The following HAPLN1 variants were observed in gnomAD, a reference collection of about 807,000 sequenced individuals.
The protein encoded by HAPLN1 is Cartilage link protein.
A neutral mutation model predicts 36.5 loss-of-function variants in HAPLN1; 13 were observed. The ratio of observed to expected loss-of-function variants is 0.36; its 90% CI spans 0.23 to 0.57. HAPLN1 has a LOEUF of 0.57. Among genes scored for constraint, HAPLN1 ranks in the 20% least tolerant of loss-of-function variants. The pLI is 0.83. For missense variants in HAPLN1, 407 were observed against 439.7 expected, an observed-to-expected ratio of 0.93 and a Z score of 0.66; for synonymous variants, 202 against 169.8, an observed-to-expected ratio of 1.19 and a Z score of -1.48.
intron 1 of HAPLN1, chr5:83,682,627 A>G (rs112779152): frequency 3.3e-5 from 5 of 152,310 alleles, no homozygotes; most frequent in African/African-American, 1.2e-4. Flanking sequence ...ACGTCAAAAC[A>G]TGACCTCATC....
intron 1 of HAPLN1, among the ~76,000 whole-genome samples, chr5:83,692,059 G>T (rs548581418): frequency 2.0e-5 from 3 of 151,888 alleles, no homozygotes; most frequent in African/African-American, 7.2e-5. Context: ...TGAAGTTGAA[G>T]ATGTTGCAAT....
intron 1 of HAPLN1, among the ~76,000 whole-genome samples, chr5:83,716,963 T>A (rs1397652704): frequency 6.6e-6 from 1 of 151,112 alleles, no homozygotes; most frequent in Non-Finnish European, 1.5e-5. Context: ...ACCTGGGGAG[T>A]GGTGGTTGCA....
intron 2 of HAPLN1, among the ~76,000 whole-genome samples, chr5:83,654,065 C>T (rs1381693886): frequency 6.6e-6 from 1 of 152,156 alleles, no homozygotes; most frequent in Admixed American, 6.6e-5. Flanking sequence ...GGAAGAGTAG[C>T]CATGTTGAGA....
intron 1 of HAPLN1, among the ~76,000 whole-genome samples, chr5:83,681,895 C>A (rs962932847): frequency 9.9e-5 from 15 of 152,114 alleles, no homozygotes; most frequent in African/African-American, 3.6e-4. Flanking sequence ...AGTTTAGACT[C>A]TTGTGCTCAT....
At chr5:83,713,829 C>T (rs1190250011) in intron 1 of HAPLN1, among the ~76,000 whole-genome samples, 2 of 152,192 alleles carry the variant, frequency 1.3e-5, no homozygotes, top group East Asian at 1.9e-4. Flanking sequence ...GTCATGCCTA[C>T]GCTGTTTTGA....
chr5:83,682,481 A>G (rs1206644513), intron 1 of HAPLN1: 1 of 152,202 alleles, frequency 6.6e-6, no homozygotes, highest in Non-Finnish European at 1.5e-5. Flanking sequence ...TAAAAATAAT[A>G]TATTAATGGT....
At chr5:83,717,194 T>C (rs1307604570) in intron 1 of HAPLN1, among the ~76,000 whole-genome samples, 1 of 152,236 alleles carries the variant, frequency 6.6e-6, no homozygotes, top group Non-Finnish European at 1.5e-5. Flanking sequence ...ATGTGTTTTT[T>C]TCCTGGTAGA....
chr5:83,687,798 A>G (rs1414148181), intron 1 of HAPLN1, among the ~76,000 whole-genome samples: 1 of 152,204 alleles, frequency 6.6e-6, no homozygotes, highest in Non-Finnish European at 1.5e-5. Flanking sequence ...AGGATGGAAT[A>G]TCCCATTGTT....
At chr5:83,661,546 G>A (rs563465817) in intron 2 of HAPLN1, among the ~76,000 whole-genome samples, 25 of 138,468 alleles carry the variant, frequency 1.8e-4, no homozygotes, top group African/African-American at 5.6e-4. Flanking sequence ...CCGGGTTCAC[G>A]CCATTGTCCT....
chr5:83,669,131 CA>C (rs1459207857), intron 2 of HAPLN1, among the ~76,000 whole-genome samples: 1 of 152,150 alleles, frequency 6.6e-6, no homozygotes, highest in Non-Finnish European at 1.5e-5. Flanking sequence ...ATAGTAAATA[CA>C]TTAAGGGAAA....
intron 2 of HAPLN1, among the ~76,000 whole-genome samples, chr5:83,659,257 G>C (rs1224861138): frequency 6.7e-6 from 1 of 149,692 alleles, no homozygotes; most frequent in Admixed American, 6.7e-5. Context: ...CTGGGTGACA[G>C]AGCGAGACTT....
At chr5:83,651,028 C>T (rs1489996982) in intron 3 of HAPLN1, among the ~76,000 whole-genome samples, 2 of 151,868 alleles carry the variant, frequency 1.3e-5, no homozygotes, top group Admixed American at 6.6e-5. Flanking sequence ...TTATTATTTC[C>T]TTGTATTTCT....
chr5:83,700,547 T>A (rs546808244), intron 1 of HAPLN1, among the ~76,000 whole-genome samples: 1 of 151,918 alleles, frequency 6.6e-6, no homozygotes, highest in Non-Finnish European at 1.5e-5. Context: ...TTGCCAAGAA[T>A]ACATAGTAAT....
At chr5:83,656,492 C>T (rs1483327778) in intron 2 of HAPLN1, among the ~76,000 whole-genome samples, 1 of 151,198 alleles carries the variant, frequency 6.6e-6, no homozygotes. Flanking sequence ...ATACAAGTGT[C>T]CATTTCCCCT....
chr5:83,694,347 C>G (rs1751345138), intron 1 of HAPLN1, among the ~76,000 whole-genome samples: 2 of 151,838 alleles, frequency 1.3e-5, no homozygotes, highest in Non-Finnish European at 2.9e-5. Context: ...AGAAAAGTTT[C>G]AAATCAATGA....
intron 1 of HAPLN1, among the ~76,000 whole-genome samples, chr5:83,701,087 G>T (rs1487401052): frequency 6.6e-6 from 1 of 152,082 alleles, no homozygotes; most frequent in Non-Finnish European, 1.5e-5. Flanking sequence ...TAGTTCCAAG[G>T]CTCAAAGCCT....
chr5:83,641,807 G>A lies in HAPLN1; in HGVS notation c.776-22C>T, dbSNP rs375129205. The A allele has an allele frequency of 1.1e-5, 17 of 1,605,316 alleles. No individual in the cohort carries two copies. In the African/African-American group the frequency reaches 2.0e-4, roughly 19 times the overall value. ...CGGCCTGTAGAGAAAAGGAGACAGAGTCAATGGGCTGGTCTTCAATTGAGC... is the reference window on the plus strand; with the variant it reads ...CGGCCTGTAGAGAAAAGGAGACAGAATCAATGGGCTGGTCTTCAATTGAGC... On this transcript the variant is annotated intron_variant, in intron 4 of 4. Transcript: ENST00000274341.
chr5:83,662,198 C>T (rs1468783126), intron 2 of HAPLN1, among the ~76,000 whole-genome samples: 1 of 152,138 alleles, frequency 6.6e-6, no homozygotes. Context: ...CCACCATGCC[C>T]AGCTGGTTAA....
At chr5:83,676,008 A>C (rs1006884637) in intron 1 of HAPLN1, among the ~76,000 whole-genome samples, 2 of 152,204 alleles carry the variant, frequency 1.3e-5, no homozygotes, top group Non-Finnish European at 2.9e-5. Context: ...CTTGTGTTAT[A>C]TATGAATATA....
Sources: gnomAD v4.1 joint callset for allele counts (sites outside exome capture counted in the v4.1 genomes callset) on GRCh38, gnomAD v4.1.1 for gene constraint, MANE v1.5 for transcripts, NCBI Gene and HGNC (gene_info 2026-07-23, HGNC 2026-07-21) for gene names.